NRK: variants seen among roughly 807,000 people sequenced by gnomAD.
The protein encoded by NRK is Nik related kinase, also known as nik-related protein kinase.
A neutral mutation model predicts 125.2 loss-of-function variants in NRK; 67 were observed. The observed-to-expected ratio is 0.54, with a 90% CI of 0.44 to 0.66. The LOEUF (loss-of-function observed/expected upper bound fraction) is 0.66. Ranked by LOEUF, NRK falls within the 30% of genes least tolerant of loss-of-function variation. NRK has a pLI of 0.00. For missense variants in NRK, 1,224 were observed against 1,192.9 expected (o/e 1.03, Z -0.38); for synonymous variants, 458 against 429.0 (o/e 1.07, Z -0.84).
In NRK at chrX:105,909,323, T is replaced by C. The variant is rs781719348; in HGVS notation, c.1682T>C (p.Val561Ala). The C allele has an allele frequency of 2.5e-6, 3 of 1,203,284 alleles. No homozygotes were observed. The highest frequency in any genetic ancestry group is 2.2e-6 in the Non-Finnish European group (2 of 891,538). Residue 561 changes from valine to alanine, a missense_variant, in exon 13 of 29, where the codon GTA becomes GCA. Coordinates refer to ENST00000243300, the MANE Select transcript of NRK (RefSeq NM_198465.4). ...EQNQAPEQPE[V>A]QEQAAEPAQA... ...AACCAGGCACCTGAACAGCCAGAGG[T>C]ACAGGAACAGGCTGCCGAGCCTGCA...
intron 3 of NRK, 115 bp from the exon 4 acceptor site, chrX:105,881,593 A>G (rs2039884993): frequency 2.6e-6 from 1 of 390,025 alleles, no homozygotes; most frequent in Non-Finnish European, 4.4e-6. Flanking sequence ...AAATTGAGAG[A>G]GGAATAATGT....
At chrX:105,924,589 G>C (rs1021428759) in intron 18 of NRK, 106 bp from the exon 19 acceptor site, 2 of 615,891 alleles carry the variant, frequency 3.2e-6, no homozygotes, top group Non-Finnish European at 5.0e-6. Context: ...ACAAGCCTGG[G>C]CATGGTAGAT....
At chrX:105,881,834 CTTT>C (rs2039888215) in intron 4 of NRK, 55 bp downstream of exon 4, 7 of 677,603 alleles carry the variant, frequency 1.0e-5, no homozygotes, top group Non-Finnish European at 1.4e-5. Context: ...TCATTTTCAG[CTTT>C]TAACTTATCC....
chrX:105,945,807 G>A, intron 24 of NRK, 65 bp from the exon 25 acceptor site: 4 of 1,000,555 alleles, frequency 4.0e-6, no homozygotes, highest in Non-Finnish European at 5.5e-6. Flanking sequence ...GAAACCATAG[G>A]AGCCTAGAGT....
intron 16 of NRK, among the ~76,000 whole-genome samples, chrX:105,919,938 T>C (rs1053736802): frequency 3.8e-4 from 40 of 106,109 alleles, no homozygotes; most frequent in African/African-American, 1.3e-3. Flanking sequence ...TTGCCATTGC[T>C]TTTGGTGTTT....
At chrX:105,840,534 T>C (rs1343850575) in intron 2 of NRK, among the ~76,000 whole-genome samples, 1 of 111,268 alleles carries the variant, frequency 9.0e-6, no homozygotes, top group Non-Finnish European at 1.9e-5. Context: ...GTGGCTTTGG[T>C]CAACCAGATA....
intron 2 of NRK, among the ~76,000 whole-genome samples, chrX:105,834,450 CGTGTGTGTGT>C (rs751513572): frequency 9.5e-6 from 1 of 105,217 alleles, no homozygotes; most frequent in Non-Finnish European, 2.0e-5. Flanking sequence ...GAGGTGTGTG[CGTGTGTGTGT>C]GTGTGTGTGT....
intron 5 of NRK, among the ~76,000 whole-genome samples, chrX:105,889,946 C>T (rs1029905568): frequency 8.9e-6 from 1 of 112,389 alleles, no homozygotes; most frequent in Non-Finnish European, 1.9e-5. Context: ...TGGTGATTAA[C>T]GTTTGGCTCC....
chrX:105,874,899 C>A (rs1426912747), intron 2 of NRK, among the ~76,000 whole-genome samples: 1 of 111,463 alleles, frequency 9.0e-6, no homozygotes, highest in African/African-American at 3.3e-5. Context: ...TATGTATTCT[C>A]CCTGGATAGT....
At chrX:105,922,178 C>A in intron 17 of NRK, 117 bp downstream of exon 17, 2 of 385,840 alleles carry the variant, frequency 5.2e-6, no homozygotes, top group Non-Finnish European at 4.6e-6. Flanking sequence ...TTTTAATTAA[C>A]ATTTTAAGGA....
intron 19 of NRK, among the ~76,000 whole-genome samples, chrX:105,931,239 G>T (rs914557602): frequency 8.9e-6 from 1 of 112,329 alleles, no homozygotes; most frequent in Non-Finnish European, 1.9e-5. Flanking sequence ...TTGGGGCTTG[G>T]TGAAATGACA....
Position 105,831,173 on chromosome X carries a change from T to A in NRK, c.123+54T>A. ...CTTCATTTTCTAATGACAACAAAGATTGTGAGTCAGACACTGCAAATCACA... is the reference window on the plus strand; with the variant it reads ...CTTCATTTTCTAATGACAACAAAGAATGTGAGTCAGACACTGCAAATCACA... On this transcript the variant is annotated intron_variant, in intron 2 of 28. Transcript: ENST00000243300. 5.2e-6 allele frequency: 4 copies of A among 775,145 alleles called. No homozygotes were observed. In the South Asian group the frequency reaches 9.0e-5, roughly 17 times the overall value. 63.9% of individuals were successfully genotyped at this position (775,145 alleles called of 1,213,427 possible). A position where few individuals can be genotyped will look rare whatever the true frequency, so the allele number is the denominator to read the frequency against.
intron 2 of NRK, among the ~76,000 whole-genome samples, chrX:105,858,145 A>C (rs1453291898): frequency 1.8e-5 from 2 of 111,865 alleles, no homozygotes; most frequent in African/African-American, 3.3e-5. Flanking sequence ...TTAGTCAAAT[A>C]GAATTTTCCA....
Position 105,952,268 on chromosome X carries a change from T to C in NRK, c.4514-766T>C, listed in dbSNP as rs2040909791. 2.7e-5 allele frequency among the ~76,000 whole-genome samples: 3 copies of C among 112,000 alleles called. No individual in the cohort carries two copies. In the South Asian group the frequency reaches 1.1e-3, roughly 41 times the overall value. On this transcript the variant is annotated intron_variant, in intron 27 of 28. Coordinates refer to ENST00000243300, the MANE Select transcript of NRK (RefSeq NM_198465.4). ...GGATTTTATTTACTTATGGAATTTT[T>C]CCCCATGAAGTACATAAAGAATATT...
chrX:105,852,048 T>G (rs1237490171), intron 2 of NRK, among the ~76,000 whole-genome samples: 2 of 112,135 alleles, frequency 1.8e-5, no homozygotes, highest in Non-Finnish European at 3.8e-5. Flanking sequence ...GGAAAACAGT[T>G]AAACCATATT....
chrX:105,921,098 T>C lies in NRK; in HGVS notation c.2513-866T>C, dbSNP rs772049751. Among the ~76,000 whole-genome samples the C allele has an allele frequency of 4.8e-3, 481 of 99,726 alleles. 4 individuals carry two copies. The highest frequency in any genetic ancestry group is 0.031 in the Middle Eastern group (6 of 196). 86.6% of individuals were successfully genotyped at this position (99,726 alleles called of 115,157 possible). On this transcript the variant is annotated intron_variant, in intron 16 of 28. Coordinates refer to ENST00000243300, the MANE Select transcript of NRK (RefSeq NM_198465.4). ...AACCAACCCAAATGTCCAACAATGA[T>C]AGACTGGATTAAGAAAATGTGGCAC... is the stretch of plus-strand genomic sequence containing the variant.
intron 2 of NRK, among the ~76,000 whole-genome samples, chrX:105,843,115 A>G (rs766342709): frequency 2.8e-4 from 31 of 111,968 alleles, no homozygotes; most frequent in Non-Finnish European, 5.5e-4. Context: ...TGCATTGTAC[A>G]TATTAGGCAG....
rs1257854602 is a variant in NRK, at chrX:105,923,191, C to A, written c.2684C>A (p.Ala895Glu). 1.7e-6 allele frequency: 2 copies of A among 1,204,226 alleles called. No homozygotes were observed. The highest frequency in any genetic ancestry group is 5.9e-5 in the East Asian group (2 of 33,699). Residue 895 changes from alanine to glutamate, a missense_variant, in exon 18 of 29, where the codon GCA becomes GAA. Ala to Glu is a moderately radical substitution (Grantham distance 107). Coordinates refer to ENST00000243300, the MANE Select transcript of NRK (RefSeq NM_198465.4). ...YLTNEWVGYN[A>E]LSEIFRNDWL... ...ACAAACGAATGGGTAGGCTATAATG[C>A]ACTCTCTGAAATCTTCCGGAATGAT...
chrX:105,843,054 A>G (rs1362037707), intron 2 of NRK, among the ~76,000 whole-genome samples: 1 of 111,630 alleles, frequency 9.0e-6, no homozygotes, highest in Non-Finnish European at 1.9e-5. Flanking sequence ...CTTTAAGGGC[A>G]GGAACCTGGA....
Sources: allele counts gnomAD v4.1 joint callset (sites outside exome capture counted in the v4.1 genomes callset), GRCh38; gene constraint gnomAD v4.1.1; transcripts MANE v1.5; gene names NCBI Gene and HGNC (gene_info 2026-07-23, HGNC 2026-07-21).